The following SPTLC1 variants were observed in gnomAD, a reference collection of about 807,000 sequenced individuals.
SPTLC1 encodes serine palmitoyltransferase 1.
In SPTLC1, 55 loss-of-function variants were observed where a neutral mutation model predicts 68.9. The ratio of observed to expected loss-of-function variants is 0.80; its 90% CI spans 0.64 to 1.00. SPTLC1 has a LOEUF of 1.00. Ranked by LOEUF, SPTLC1 falls within the 50% of genes least tolerant of loss-of-function variation. SPTLC1 has a pLI of 0.00. For missense variants in SPTLC1, 449 were observed against 573.1 expected, an observed-to-expected ratio of 0.78 and a Z score of 2.21; for synonymous variants, 197 against 201.6, an observed-to-expected ratio of 0.98 and a Z score of 0.19.
intron 5 of SPTLC1, among the ~76,000 whole-genome samples, chr9:92,071,207 C>T (rs369470463): frequency 2.4e-5 from 3 of 126,946 alleles, no homozygotes; most frequent in East Asian, 2.2e-4. Context: ...CTGACCAAAA[C>T]GGAGAAACCC....
chr9:92,087,944 G>A (rs1835214241), intron 3 of SPTLC1, among the ~76,000 whole-genome samples: 1 of 152,244 alleles, frequency 6.6e-6, no homozygotes. Flanking sequence ...GCAAGCCTGG[G>A]CAATGGCGGG....
At chr9:92,060,491 A>T (rs1834051675) in intron 6 of SPTLC1, among the ~76,000 whole-genome samples, 2 of 152,226 alleles carry the variant, frequency 1.3e-5, no homozygotes, top group South Asian at 4.1e-4. Flanking sequence ...GATACAAAGA[A>T]GAGTCCTACA....
At chr9:92,038,075 G>C (rs1833206458) in intron 13 of SPTLC1, among the ~76,000 whole-genome samples, 173 bp downstream of exon 13, 1 of 152,196 alleles carries the variant, frequency 6.6e-6, no homozygotes, top group South Asian at 2.1e-4. Flanking sequence ...CAGAAGCTAG[G>C]AAGGACCTGG....
chr9:92,085,888 T>C (rs1477817806), intron 3 of SPTLC1, among the ~76,000 whole-genome samples: 1 of 151,990 alleles, frequency 6.6e-6, no homozygotes, highest in African/African-American at 2.4e-5. Context: ...AGTCTCTTTG[T>C]AGGTCACTCA....
chr9:92,112,451 G>C lies in SPTLC1; in HGVS notation c.165+4C>G. ...ATAATTAAAACAGAGATTTAATTTC[G>C]TACCTTGACTGTAAGATCAGATCGT... On this transcript the variant is annotated splice_donor_region_variant and intron_variant, in intron 2 of 14. Transcript: ENST00000262554. The C allele has an allele frequency of 6.3e-7, 1 of 1,575,678 alleles. No individual in the cohort carries two copies. The highest frequency in any genetic ancestry group is 8.7e-7 in the Non-Finnish European group (1 of 1,147,342).
chr9:92,036,562 C>T (rs1427270519), intron 13 of SPTLC1, among the ~76,000 whole-genome samples: 2 of 152,184 alleles, frequency 1.3e-5, no homozygotes, highest in African/African-American at 2.4e-5. Context: ...GTGAGAACGG[C>T]GGAGCCATTA....
At chr9:92,075,849 C>G (rs1265179818) in intron 5 of SPTLC1, among the ~76,000 whole-genome samples, 1 of 152,170 alleles carries the variant, frequency 6.6e-6, no homozygotes, top group Non-Finnish European at 1.5e-5. Context: ...CACTTACTAC[C>G]CACTACAAAT....
At position 92,040,762 on chromosome 9, in the gene SPTLC1, G is replaced by GA. The variant is rs111600312; in HGVS notation, c.1137-2398dup. Among the ~76,000 whole-genome samples the GA allele has an allele frequency of 9.0e-3, 765 of 85,284 alleles. 2 individuals carry two copies. The highest frequency in any genetic ancestry group is 0.025 in the African/African-American group (554 of 22,222). 55.9% of individuals were successfully genotyped at this position (85,284 alleles called of 152,430 possible). ...GACAGAGCAAGACTCTGTCTCAAAA[G>GA]AAAAAAAAAAAAAAAGAAAAGAAAT... is the stretch of plus-strand genomic sequence containing the variant. On this transcript the variant is annotated intron_variant, in intron 12 of 14. Coordinates refer to ENST00000262554, the MANE Select transcript of SPTLC1 (RefSeq NM_006415.4).
In SPTLC1 at chr9:92,068,082, C is replaced by CA; in HGVS notation, c.443dup (p.Leu148PhefsTer33). 1 of 1,613,888 alleles carries CA rather than the reference C, an allele frequency of 6.2e-7. No homozygotes were observed. The highest frequency in any genetic ancestry group is 8.5e-7 in the Non-Finnish European group (1 of 1,179,918). On this transcript the variant is annotated frameshift_variant, in exon 6 of 15. Transcript: ENST00000262554. LOFTEE classifies it high-confidence loss of function. ...TCATAAATTTTGCCAGGCGGTCTTC[C>CA]AAATCCAAATGAACATCTATTTCAG...
chr9:92,073,635 A>T (rs1564100597), intron 5 of SPTLC1, among the ~76,000 whole-genome samples: 3 of 152,130 alleles, frequency 2.0e-5, no homozygotes, highest in Non-Finnish European at 4.4e-5. Context: ...CTTAACATGC[A>T]TTTTATTACC....
rs1832968854 is a variant in SPTLC1, at chr9:92,031,655, T to C, written c.*810A>G. The C allele has an allele frequency of 6.6e-6, 1 of 152,538 alleles. No individual in the cohort carries two copies. The allele number at this position is 152,538 out of a possible 1,614,324, so 9.4% of individuals were successfully genotyped here. A position where few individuals can be genotyped will look rare whatever the true frequency, so the allele number is the denominator to read the frequency against. On this transcript the variant is annotated 3_prime_UTR_variant, in exon 15 of 15. Transcript: ENST00000262554. ...GGAATACATTTGAGATATTCTAAAA[T>C]ATAAAGGATATGATTTATATTATGG...
chr9:92,105,386 C>T (rs1326746664), intron 3 of SPTLC1: 15 of 1,499,282 alleles, frequency 1.0e-5, no homozygotes, highest in Non-Finnish European at 1.3e-5. Flanking sequence ...ATTCAGGAGA[C>T]TAAGAGAGCT....
At chr9:92,114,991 C>T in intron 1 of SPTLC1, 1 of 450,506 alleles carries the variant, frequency 2.2e-6, no homozygotes, top group Non-Finnish European at 4.1e-6. Flanking sequence ...TTCACCACTC[C>T]GTTTTATCGT....
At chr9:92,063,983 C>A (rs1398018129) in intron 6 of SPTLC1, among the ~76,000 whole-genome samples, 1 of 152,104 alleles carries the variant, frequency 6.6e-6, no homozygotes. Flanking sequence ...TTAACACAGT[C>A]CTGGAAGTTC....
intron 3 of SPTLC1, among the ~76,000 whole-genome samples, chr9:92,103,879 C>T (rs1240527542): frequency 1.3e-5 from 2 of 152,184 alleles, no homozygotes; most frequent in African/African-American, 2.4e-5. Context: ...ATGGCTCTGG[C>T]GGATCAGCCC....
chr9:92,112,664 C>T, intron 1 of SPTLC1, 102 bp from the exon 2 acceptor site: 1 of 746,864 alleles, frequency 1.3e-6, no homozygotes, highest in Non-Finnish European at 2.3e-6. Context: ...TGACTTTTAG[C>T]CTATTCTTAA....
intron 12 of SPTLC1, among the ~76,000 whole-genome samples, chr9:92,041,885 A>G (rs561838687): frequency 1.6e-3 from 250 of 152,370 alleles, no homozygotes; most frequent in African/African-American, 5.8e-3. Flanking sequence ...AAAAAAATGG[A>G]TAAAGTTCAA....
chr9:92,076,676 T>C (rs1834691752), intron 5 of SPTLC1: 1 of 152,192 alleles, frequency 6.6e-6, no homozygotes, highest in South Asian at 2.1e-4. Flanking sequence ...GCCACTCTAC[T>C]ACCCCATCAA....
intron 3 of SPTLC1, among the ~76,000 whole-genome samples, chr9:92,097,278 CAG>C (rs1247195671): frequency 6.6e-6 from 1 of 152,200 alleles, no homozygotes; most frequent in Non-Finnish European, 1.5e-5. Context: ...ATGTTAAACA[CAG>C]AGTTATCACA....
Sources: gnomAD v4.1 joint callset for allele counts (sites outside exome capture counted in the v4.1 genomes callset) on GRCh38, gnomAD v4.1.1 for gene constraint, MANE v1.5 for transcripts, NCBI Gene and HGNC (gene_info 2026-07-23, HGNC 2026-07-21) for gene names.